The following NRXN2 variants were observed in gnomAD, a reference collection of about 807,000 sequenced individuals.
NRXN2 encodes neurexin 2.
A neutral mutation model predicts 128.8 loss-of-function variants in NRXN2; 29 were observed. The ratio of observed to expected loss-of-function variants is 0.23; its 90% CI spans 0.17 to 0.31. NRXN2 has a LOEUF of 0.31. Among genes scored for constraint, NRXN2 ranks in the 10% least tolerant of loss-of-function variants. NRXN2 has a pLI of 1.00. For synonymous variants in NRXN2, 1,098 were observed against 1,075.2 expected (o/e 1.02, Z -0.41); for missense variants, 1,881 against 2,452.6 (o/e 0.77, Z 4.92).
chr11:64,607,589 G>C lies in NRXN2; in HGVS notation c.4746C>G (p.Pro1582=). ...QPLLENPPLG[P]GAPTSFEPRR... ...GCGGCTCAAAGGACGTGGGGGCCCC[G>C]GGCCCCAAGGGCGGGTTCTCCAGCA... Residue 1582 remains proline, a synonymous_variant, in exon 23 of 23, where the codon CCC becomes CCG. Transcript: ENST00000265459. 4 of 1,533,840 alleles carry C rather than the reference G, an allele frequency of 2.6e-6. No individual in the cohort carries two copies. In the East Asian group the frequency reaches 9.7e-5, roughly 37 times the overall value.
chr11:64,624,522 A>G (rs2042832177), intron 20 of NRXN2, among the ~76,000 whole-genome samples: 1 of 152,268 alleles, frequency 6.6e-6, no homozygotes, highest in African/African-American at 2.4e-5. Context: ...AGACCCAGAG[A>G]GGCCCAGGAA....
intron 19 of NRXN2, 109 bp from the exon 20 acceptor site, chr11:64,626,661 C>G: frequency 1.2e-6 from 1 of 824,468 alleles, no homozygotes; most frequent in Non-Finnish European, 2.1e-6. Flanking sequence ...GCAACATCCA[C>G]GGAAAGAGGG....
chr11:64,687,068 A>G (rs1460062944), intron 5 of NRXN2, among the ~76,000 whole-genome samples: 4 of 152,226 alleles, frequency 2.6e-5, no homozygotes, highest in Non-Finnish European at 4.4e-5. Flanking sequence ...GCCATTAAGC[A>G]GTGGCACACA....
In NRXN2 at chr11:64,607,246, T is replaced by TG; in HGVS notation, c.5088dup (p.Lys1697GlnfsTer108). On this transcript the variant is annotated frameshift_variant, in exon 23 of 23. Transcript: ENST00000265459. LOFTEE classifies it high-confidence loss of function. ...TTCTTCTTGGCCTTGCTGGGCGTCTTGGGGGCAGCCGGGGCCTTCTCTTTC... is the reference window on the plus strand; with the variant it reads ...TTCTTCTTGGCCTTGCTGGGCGTCTTGGGGGGCAGCCGGGGCCTTCTCTTTC... 1 of 1,613,810 alleles carries TG rather than the reference T, an allele frequency of 6.2e-7. No homozygotes were observed. The highest frequency in any genetic ancestry group is 8.5e-7 in the Non-Finnish European group (1 of 1,179,908).
At chr11:64,701,762 TC>T (rs1294374414) in intron 2 of NRXN2, among the ~76,000 whole-genome samples, 1 of 152,086 alleles carries the variant, frequency 6.6e-6, no homozygotes, top group African/African-American at 2.4e-5. Flanking sequence ...ATAAGCCCCG[TC>T]CGGGGGGGAA....
chr11:64,680,139 A>G (rs1324997827), intron 6 of NRXN2, among the ~76,000 whole-genome samples: 2 of 152,170 alleles, frequency 1.3e-5, no homozygotes, highest in Admixed American at 1.3e-4. Context: ...CTCAAACACC[A>G]ACTGTAGGAA....
chr11:64,683,130 C>G (rs2052534418), intron 6 of NRXN2, among the ~76,000 whole-genome samples: 1 of 152,176 alleles, frequency 6.6e-6, no homozygotes, highest in South Asian at 2.1e-4. Flanking sequence ...GAAAAATAAC[C>G]TGGAAGCCAC....
chr11:64,610,871 C>T (rs2135268355), intron 22 of NRXN2, among the ~76,000 whole-genome samples: 1 of 152,304 alleles, frequency 6.6e-6, no homozygotes, highest in Admixed American at 6.5e-5. Flanking sequence ...CCTCTGGGGT[C>T]CTTCCTGCTG....
intron 9 of NRXN2, among the ~76,000 whole-genome samples, chr11:64,662,093 A>AG: frequency 6.6e-6 from 1 of 150,890 alleles, no homozygotes; most frequent in East Asian, 2.0e-4. Context: ...TCTCTACTAA[A>AG]AAAAAAAAAA....
In NRXN2 at chr11:64,685,898, G is replaced by A. The variant is rs540195301; in HGVS notation, c.900C>T (p.Tyr300=). 31 of 1,614,172 alleles carry A rather than the reference G, an allele frequency of 1.9e-5. No individual in the cohort carries two copies. Among genetic ancestry groups the A allele is most frequent in the East Asian group, 6.7e-5 (3 of 44,870 alleles). Residue 300 remains tyrosine, a synonymous_variant, in exon 6 of 23, where the codon TAC becomes TAT. Coordinates refer to ENST00000265459, the MANE Select transcript of NRXN2 (RefSeq NM_015080.4). ...ATFKGNEFFC[Y]DLSHNPIQSS... is the part of the protein sequence containing the mutation. ...TCTGGATGGGGTTGTGTGACAGGTC[G>A]TAGCAGAAGAACTCATTGCCTTTGA... is the stretch of plus-strand genomic sequence containing the variant.
intron 20 of NRXN2, 95 bp downstream of exon 20, chr11:64,626,368 T>C (rs1383427705): frequency 8.2e-6 from 8 of 971,332 alleles, no homozygotes; most frequent in Admixed American, 2.0e-5. Flanking sequence ...GGGGTGGGCA[T>C]TGGTGAAGGC....
At chr11:64,699,632 C>T (rs1048237885) in intron 2 of NRXN2, among the ~76,000 whole-genome samples, 2 of 152,026 alleles carry the variant, frequency 1.3e-5, no homozygotes, top group Admixed American at 6.5e-5. Flanking sequence ...AGGCTAGTCT[C>T]GAACTCCCAA....
chr11:64,662,497 C>T (rs1354536270), intron 9 of NRXN2, among the ~76,000 whole-genome samples: 1 of 152,078 alleles, frequency 6.6e-6, no homozygotes, highest in African/African-American at 2.4e-5. Context: ...TAAAAGGGGT[C>T]GGGGCCGGGC....
chr11:64,678,656 G>T (rs536951896), intron 6 of NRXN2, among the ~76,000 whole-genome samples: 99 of 152,294 alleles, frequency 6.5e-4, no homozygotes, highest in Middle Eastern at 6.8e-3. Flanking sequence ...ACAGACAGCA[G>T]CAACAACCAC....
At chr11:64,662,090 T>TA (rs35502743) in intron 9 of NRXN2, among the ~76,000 whole-genome samples, 70,471 of 131,318 alleles carry the variant, frequency 0.54, 21,042 homozygotes, top group Non-Finnish European at 0.7. Flanking sequence ...CCATCTCTAC[T>TA]AAAAAAAAAA....
intron 7 of NRXN2, among the ~76,000 whole-genome samples, chr11:64,668,941 C>T (rs370709653): frequency 3.3e-5 from 5 of 152,096 alleles, no homozygotes; most frequent in South Asian, 2.1e-4. Context: ...GGCTCCAGGA[C>T]GGATCCCCCA....
chr11:64,635,518 A>G lies in NRXN2; in HGVS notation c.3404-66T>C. ...AGGAGGACGAGGTCAGCAGGTCCTCAGGGTTGTGACCAGAGGGATGGAACC... is the reference window on the plus strand; with the variant it reads ...AGGAGGACGAGGTCAGCAGGTCCTCGGGGTTGTGACCAGAGGGATGGAACC... On this transcript the variant is annotated intron_variant, in intron 17 of 22. Transcript: ENST00000265459. This position sits in a 1 kb window ranked among gnomAD's most constrained non-coding sequence, Gnocchi z 4.8. 4 of 1,552,170 alleles carry G rather than the reference A, an allele frequency of 2.6e-6. No individual in the cohort carries two copies. Among genetic ancestry groups the G allele is most frequent in the Non-Finnish European group, 2.6e-6 (3 of 1,134,404 alleles).
Position 64,660,188 on chromosome 11 carries a change from G to A in NRXN2, c.2389+144C>T. On this transcript the variant is annotated intron_variant, in intron 11 of 22. Coordinates refer to ENST00000265459, the MANE Select transcript of NRXN2 (RefSeq NM_015080.4). The surrounding 1 kb of genome is among the most constrained non-coding windows in gnomAD (Gnocchi z 5.2). ...CAGGGACAGAGCTCTCAGGGTCTCTGACCCAGGCTGGCGCCTCCCCACCTC... is the reference window on the plus strand; with the variant it reads ...CAGGGACAGAGCTCTCAGGGTCTCTAACCCAGGCTGGCGCCTCCCCACCTC... 1.2e-6 allele frequency: 1 copy of A among 851,644 alleles called. No homozygotes were observed. The highest frequency in any genetic ancestry group is 1.9e-6 in the Non-Finnish European group (1 of 514,536). 52.8% of individuals were successfully genotyped at this position (851,644 alleles called of 1,614,324 possible).
At chr11:64,643,777 G>A (rs1343088567) in intron 17 of NRXN2, among the ~76,000 whole-genome samples, 1 of 151,632 alleles carries the variant, frequency 6.6e-6, no homozygotes. Context: ...GCCTGGACGC[G>A]CGCGCTCCTC....
Sources: allele counts gnomAD v4.1 joint callset (sites outside exome capture counted in the v4.1 genomes callset), GRCh38; gene constraint gnomAD v4.1.1; non-coding constraint Gnocchi (gnomAD v3.1); transcripts MANE v1.5; gene names NCBI Gene and HGNC (gene_info 2026-07-23, HGNC 2026-07-21).